NKAIN3: variants seen among roughly 807,000 people sequenced by gnomAD.
NKAIN3 encodes sodium/potassium-transporting ATPase subunit beta-1-interacting protein 3.
In NKAIN3, 25 loss-of-function variants were observed where a neutral mutation model predicts 30.2. The observed-to-expected ratio is 0.83, with a 90% CI of 0.60 to 1.16. NKAIN3 has a LOEUF of 1.16. Among genes scored for constraint, NKAIN3 ranks in the 50% most tolerant of loss-of-function variants. The probability of loss-of-function intolerance (pLI) is 0.00; values close to 1 mark genes in which losing one functional copy is unlikely to be tolerated. For synonymous variants in NKAIN3, 91 were observed against 89.6 expected, an observed-to-expected ratio of 1.02 and a Z score of -0.09; for missense variants, 225 against 254.1, an observed-to-expected ratio of 0.89 and a Z score of 0.78.
intron 3 of NKAIN3, among the ~76,000 whole-genome samples, chr8:62,712,389 C>G (rs115269106): frequency 0.013 from 2,020 of 152,184 alleles, 44 homozygotes; most frequent in African/African-American, 0.047. Context: ...TGAGTTCAGA[C>G]TGTCCTTGGG....
intron 5 of NKAIN3, among the ~76,000 whole-genome samples, chr8:62,996,835 C>T (rs7017200): frequency 0.2 from 29,682 of 152,186 alleles, 3,012 homozygotes; most frequent in East Asian, 0.41. Flanking sequence ...ACCCACGGTA[C>T]GCTGATGCAA....
intron 4 of NKAIN3, among the ~76,000 whole-genome samples, chr8:62,879,288 A>G (rs1471332297): frequency 1.3e-5 from 2 of 152,094 alleles, no homozygotes; most frequent in Admixed American, 6.6e-5. Flanking sequence ...TTTCATGTGT[A>G]TTTTAGCTGC....
At chr8:62,752,517 A>C (rs1416278797) in intron 4 of NKAIN3, among the ~76,000 whole-genome samples, 3 of 152,138 alleles carry the variant, frequency 2.0e-5, no homozygotes, top group Non-Finnish European at 4.4e-5. Flanking sequence ...TATTTTCCTC[A>C]ATCTTGTTTC....
chr8:62,707,370 C>T (rs1467468603), intron 3 of NKAIN3, among the ~76,000 whole-genome samples: 1 of 152,066 alleles, frequency 6.6e-6, no homozygotes, highest in Non-Finnish European at 1.5e-5. Context: ...TTCCTGTTCG[C>T]CACACTCACA....
At chr8:62,752,604 A>T (rs115875348) in intron 4 of NKAIN3, among the ~76,000 whole-genome samples, 1,544 of 152,326 alleles carry the variant, frequency 0.01, 26 homozygotes, top group African/African-American at 0.034. Flanking sequence ...ATGAAAAAAT[A>T]TCAGAATTAT....
At chr8:62,520,311 C>T (rs28448523) in intron 1 of NKAIN3, among the ~76,000 whole-genome samples, 7,608 of 151,990 alleles carry the variant, frequency 0.05, 584 homozygotes, top group African/African-American at 0.17. Flanking sequence ...GATTTTCCAC[C>T]GATTAAAGGA....
At chr8:62,323,282 T>G (rs1815002621) in intron 1 of NKAIN3, among the ~76,000 whole-genome samples, 1 of 152,174 alleles carries the variant, frequency 6.6e-6, no homozygotes, top group South Asian at 2.1e-4. Context: ...GCAACAAAGA[T>G]GTCCTTTACA....
intron 1 of NKAIN3, among the ~76,000 whole-genome samples, chr8:62,274,376 T>C (rs998359378): frequency 3.3e-5 from 5 of 152,138 alleles, no homozygotes; most frequent in Non-Finnish European, 5.9e-5. Flanking sequence ...TAGTCTATGA[T>C]CTGTGATTCC....
At chr8:62,519,497 G>A (rs187568737) in intron 1 of NKAIN3, among the ~76,000 whole-genome samples, 23 of 152,208 alleles carry the variant, frequency 1.5e-4, no homozygotes, top group Middle Eastern at 3.4e-3. Flanking sequence ...GGGATTACAC[G>A]TATAGCATCT....
intron 1 of NKAIN3, among the ~76,000 whole-genome samples, chr8:62,568,306 G>A (rs1809819321): frequency 6.6e-6 from 1 of 152,144 alleles, no homozygotes; most frequent in Admixed American, 6.6e-5. Flanking sequence ...ATCATTCTGA[G>A]TATCTTCCTA....
chr8:62,755,424 A>T (rs1177900033), intron 4 of NKAIN3, among the ~76,000 whole-genome samples: 1 of 152,224 alleles, frequency 6.6e-6, no homozygotes, highest in East Asian at 1.9e-4. Flanking sequence ...CAAATAGTTA[A>T]AAATGTTTCC....
chr8:62,778,730 C>A (rs1194173826), intron 4 of NKAIN3, among the ~76,000 whole-genome samples: 1 of 151,906 alleles, frequency 6.6e-6, no homozygotes, highest in Non-Finnish European at 1.5e-5. Flanking sequence ...ATCTAAGCTA[C>A]CAGAAAAAGT....
chr8:62,529,959 G>A (rs1010867597), intron 1 of NKAIN3, among the ~76,000 whole-genome samples: 2 of 152,186 alleles, frequency 1.3e-5, no homozygotes, highest in African/African-American at 4.8e-5. Context: ...ATCCAGTTGA[G>A]ATTTCTCCTG....
intron 4 of NKAIN3, among the ~76,000 whole-genome samples, chr8:62,778,946 G>A (rs1817269182): frequency 1.3e-5 from 2 of 152,040 alleles, no homozygotes; most frequent in Admixed American, 6.6e-5. Context: ...GCCAGGACTT[G>A]ATCCTTCCCT....
At chr8:62,674,526 G>A (rs1236852122) in intron 3 of NKAIN3, among the ~76,000 whole-genome samples, 1 of 152,208 alleles carries the variant, frequency 6.6e-6, no homozygotes, top group Non-Finnish European at 1.5e-5. Context: ...GGGGATGGGG[G>A]CGAGAGAATG....
intron 4 of NKAIN3, chr8:62,855,906 G>A (rs1187312075): frequency 1.3e-5 from 10 of 762,636 alleles, no homozygotes; most frequent in South Asian, 2.7e-5. Flanking sequence ...GTTCCTGCGG[G>A]GTGTGTATCT....
chr8:62,619,862 A>C (rs940349153), intron 3 of NKAIN3, among the ~76,000 whole-genome samples: 3 of 152,148 alleles, frequency 2.0e-5, no homozygotes, highest in African/African-American at 7.2e-5. Context: ...ACCCTTGTAA[A>C]ATAAATTGAA....
chr8:62,870,632 C>T (rs1172507127), intron 4 of NKAIN3, among the ~76,000 whole-genome samples: 2 of 79,972 alleles, frequency 2.5e-5, no homozygotes, highest in African/African-American at 1.2e-4. Context: ...AAAATAAACT[C>T]TATTTTATAT....
At chr8:62,325,322 T>C (rs1402862353) in intron 1 of NKAIN3, among the ~76,000 whole-genome samples, 1 of 152,156 alleles carries the variant, frequency 6.6e-6, no homozygotes, top group African/African-American at 2.4e-5. Context: ...CATTCCTTTT[T>C]ATAGCTGAGT....
Sources: gnomAD v4.1 joint callset for allele counts (sites outside exome capture counted in the v4.1 genomes callset) on GRCh38, gnomAD v4.1.1 for gene constraint, MANE v1.5 for transcripts, NCBI Gene and HGNC (gene_info 2026-07-23, HGNC 2026-07-21) for gene names.